SLC29A4: variants seen among roughly 807,000 people sequenced by gnomAD.
SLC29A4 encodes equilibrative nucleoside transporter 4.
A neutral mutation model predicts 43.9 loss-of-function variants in SLC29A4; 36 were observed. That is an observed-to-expected ratio of 0.82 (90% CI 0.63 to 1.08). The LOEUF (loss-of-function observed/expected upper bound fraction) is 1.08. Ranked by LOEUF, SLC29A4 falls within the 50% of genes least tolerant of loss-of-function variation. The pLI, the probability that SLC29A4 is intolerant of heterozygous loss-of-function variation, is 0.00. For synonymous variants in SLC29A4, 491 were observed against 338.0 expected (o/e 1.45, Z -4.97); for missense variants, 869 against 755.3 (o/e 1.15, Z -1.77).
chr7:5,297,833 C>G (rs1024509597), intron 7 of SLC29A4, among the ~76,000 whole-genome samples: 1 of 152,170 alleles, frequency 6.6e-6, no homozygotes, highest in African/African-American at 2.4e-5. Context: ...GCCCCTGGCT[C>G]TGCTGGGCTT....
At position 5,299,017 on chromosome 7, in the gene SLC29A4, C is replaced by G. The variant is rs370489000; in HGVS notation, c.912C>G (p.Asn304Lys). Residue 304 changes from asparagine (N) to lysine (K), a missense_variant, in exon 8 of 11, where the codon AAC becomes AAG. Coordinates refer to ENST00000396872, the MANE Select transcript of SLC29A4 (RefSeq NM_153247.4). ...FEHPAPALAP[N>K]ESPKDSPAHE... is the part of the protein sequence containing the mutation. ...ACCCAGCCCCGGCCCTGGCCCCCAA[C>G]GAGTCCCCAAAGGACAGCCCAGCCC... 48 of 1,611,164 alleles carry G rather than the reference C, an allele frequency of 3.0e-5. No individual in the cohort carries two copies. In the South Asian group the frequency reaches 3.5e-4, roughly 12 times the overall value.
rs1786282883 is a variant in SLC29A4, at chr7:5,303,035, C to T, written c.*96C>T. On this transcript the variant is annotated 3_prime_UTR_variant, in exon 11 of 11. Transcript: ENST00000396872. ...TGTCCCCACCTCAGTGCCTGCGGGG[C>T]CCTGAGCCTCCCCCTGTGCCAGCAG... is the stretch of plus-strand genomic sequence containing the variant. 1.2e-5 allele frequency: 16 copies of T among 1,384,978 alleles called. No homozygotes were observed. Among genetic ancestry groups the T allele is most frequent in the Non-Finnish European group, 1.4e-5 (14 of 1,025,212 alleles). 85.8% of individuals were successfully genotyped at this position (1,384,978 alleles called of 1,614,324 possible).
At chr7:5,288,625 A>G (rs935074755) in intron 2 of SLC29A4, among the ~76,000 whole-genome samples, 1 of 151,650 alleles carries the variant, frequency 6.6e-6, no homozygotes, top group Non-Finnish European at 1.5e-5. Context: ...GGAGTGACAC[A>G]TGTCACTTTG....
chr7:5,297,113 G>C lies in SLC29A4; in HGVS notation c.797G>C (p.Arg266Pro). The C allele has an allele frequency of 6.2e-7, 1 of 1,607,204 alleles. No homozygotes were observed. The highest frequency in any genetic ancestry group is 8.5e-7 in the Non-Finnish European group (1 of 1,179,666). The stretch of plus-strand genomic sequence containing the variant: ...GTGCTCTTCTATACCACACGGCCGC[G>C]TGACAGCCACCGGGGCAGGCCAGGC... ...RFVLFYTTRP[R>P]DSHRGRPGLG... is the part of the protein sequence containing the mutation. Residue 266 changes from arginine to proline, a missense_variant, in exon 7 of 11, where the codon CGT becomes CCT. By Grantham distance (103) the Arg-to-Pro change is moderately radical. Transcript: ENST00000396872.
At chr7:5,294,410 C>T (rs1039717553) in intron 5 of SLC29A4, among the ~76,000 whole-genome samples, 3 of 152,080 alleles carry the variant, frequency 2.0e-5, no homozygotes, top group African/African-American at 7.2e-5. Flanking sequence ...AACAAATAGC[C>T]CAGAAATCTC....
intron 6 of SLC29A4, 151 bp downstream of exon 6, chr7:5,295,085 T>G: frequency 1.4e-6 from 1 of 699,058 alleles, no homozygotes; most frequent in Non-Finnish European, 2.4e-6. Flanking sequence ...ATCACCATCT[T>G]TCCTGGCCTG....
chr7:5,299,365 C>T lies in SLC29A4; in HGVS notation c.1147C>T (p.Leu383=), dbSNP rs775720003. 18 of 1,612,294 alleles carry T rather than the reference C, an allele frequency of 1.1e-5. No individual in the cohort carries two copies. The Admixed American group carries it at 1.5e-4, about 13-fold the overall frequency. Residue 383 remains leucine, a synonymous_variant, in exon 9 of 11, where the codon CTG becomes TTG. Coordinates refer to ENST00000396872, the MANE Select transcript of SLC29A4 (RefSeq NM_153247.4). ...GLESEIRHCI[L]GEWLPILIMA... is the part of the protein sequence containing the mutation. ...CGAGTCTGAGATCCGCCACTGCATC[C>T]TGGGCGAGTGGCTGCCCATCCTCAT...
intron 2 of SLC29A4, among the ~76,000 whole-genome samples, chr7:5,289,366 C>T (rs1416141274): frequency 1.3e-5 from 2 of 152,046 alleles, no homozygotes; most frequent in Non-Finnish European, 2.9e-5. Flanking sequence ...CACTGCACTC[C>T]AGCCTGAGCA....
In SLC29A4 at chr7:5,299,499, C is replaced by T. The variant is rs1785981179; in HGVS notation, c.1209+72C>T. 2.7e-6 allele frequency: 4 copies of T among 1,492,296 alleles called. 1 individual carries two copies. The South Asian group carries it at 5.1e-5, about 19-fold the overall frequency. The allele number at this position is 1,492,296 out of a possible 1,614,324, so 92.4% of individuals were successfully genotyped here. A position where few individuals can be genotyped will look rare whatever the true frequency, so the allele number is the denominator to read the frequency against. On this transcript the variant is annotated intron_variant, in intron 9 of 10. Transcript: ENST00000396872. ...GGTGACAAGGGAGGCCCTGGCCTAT[C>T]CGGGAAGGGTTCTGAGTGAAGGATG...
Position 5,299,414 on chromosome 7 carries a change from A to T in SLC29A4, c.1196A>T (p.Asp399Val). The change falls in exon 9 of 11, where the codon GAC becomes GTC. Residue 399 changes from aspartate to valine, a missense_variant. Coordinates refer to ENST00000396872, the MANE Select transcript of SLC29A4 (RefSeq NM_153247.4). ...ILIMAVFNLS[D>V]FVGKILAALP... ...ATCATGGCTGTGTTCAACCTGTCAG[A>T]CTTCGTGGGCAAGGTGGGCTGCCTG... 6.2e-7 allele frequency: 1 copy of T among 1,610,958 alleles called. No homozygotes were observed. The highest frequency in any genetic ancestry group is 8.5e-7 in the Non-Finnish European group (1 of 1,178,980).
chr7:5,303,047 C>T lies in SLC29A4; in HGVS notation c.*108C>T, dbSNP rs1156498802. 5.3e-6 allele frequency: 7 copies of T among 1,324,852 alleles called. No homozygotes were observed. In the African/African-American group the frequency reaches 1.0e-4, roughly 20 times the overall value. The allele number at this position is 1,324,852 out of a possible 1,614,324, so 82.1% of individuals were successfully genotyped here. On this transcript the variant is annotated 3_prime_UTR_variant, in exon 11 of 11. Coordinates refer to ENST00000396872, the MANE Select transcript of SLC29A4 (RefSeq NM_153247.4). ...AGTGCCTGCGGGGCCCTGAGCCTCC[C>T]CCTGTGCCAGCAGCCCCACTCCCTC...
At position 5,303,171 on chromosome 7, in the gene SLC29A4, C is replaced by T. The variant is rs1786292397; in HGVS notation, c.*232C>T. On this transcript the variant is annotated 3_prime_UTR_variant, in exon 11 of 11. Transcript: ENST00000396872. Reference sequence around the variant, plus strand: ...CCGGGGCTCTGGCCAGCACTGTGTTCTGCGTTTGGTCTCATACCTGCGTCT... The same window carrying T: ...CCGGGGCTCTGGCCAGCACTGTGTTTTGCGTTTGGTCTCATACCTGCGTCT... The T allele has an allele frequency of 1.5e-5, 9 of 598,068 alleles. No homozygotes were observed. Among genetic ancestry groups the T allele is most frequent in the South Asian group, 2.1e-5 (1 of 48,272 alleles). The allele number at this position is 598,068 out of a possible 1,614,324, so 37.0% of individuals were successfully genotyped here. A position where few individuals can be genotyped will look rare whatever the true frequency, so the allele number is the denominator to read the frequency against.
chr7:5,291,941 GGT>G, intron 5 of SLC29A4, 120 bp downstream of exon 5: 2 of 1,406,448 alleles, frequency 1.4e-6, no homozygotes, highest in South Asian at 1.4e-5. Flanking sequence ...CTGGGTGCCA[GGT>G]GTGTGTCCAC....
intron 7 of SLC29A4, among the ~76,000 whole-genome samples, chr7:5,298,341 A>T (rs1785862144): frequency 6.6e-6 from 1 of 152,104 alleles, no homozygotes; most frequent in Admixed American, 6.5e-5. Flanking sequence ...GGGCAGAGGG[A>T]AAAGCGTGTG....
At chr7:5,301,176 A>T (rs976737588) in intron 10 of SLC29A4, among the ~76,000 whole-genome samples, 3 of 151,536 alleles carry the variant, frequency 2.0e-5, no homozygotes, top group African/African-American at 7.3e-5. Flanking sequence ...AGATGGGAGG[A>T]TCACTTGAGC....
In SLC29A4 at chr7:5,290,739, C is replaced by T. The variant is rs201599577; in HGVS notation, c.177C>T (p.Asp59=). 19 of 1,609,334 alleles carry T rather than the reference C, an allele frequency of 1.2e-5. No individual in the cohort carries two copies. The highest frequency in any genetic ancestry group is 8.9e-5 in the East Asian group (4 of 44,742). The change falls in exon 3 of 11, where the codon GAC becomes GAT. Residue 59 remains aspartate, a synonymous_variant. Coordinates refer to ENST00000396872, the MANE Select transcript of SLC29A4 (RefSeq NM_153247.4). ...GVPAFTDTTL[D]EPVPDDRYHA... is the part of the protein sequence containing the mutation. ...TGGTGTCTCTGGCTTTAGCATTGGA[C>T]GAGCCAGTGCCCGATGACCGTTATC...
In SLC29A4 at chr7:5,299,261, T is replaced by G. The variant is rs755385919; in HGVS notation, c.1043T>G (p.Val348Gly). The G allele has an allele frequency of 6.2e-7, 1 of 1,612,236 alleles. No homozygotes were observed. The highest frequency in any genetic ancestry group is 1.1e-5 in the South Asian group (1 of 91,024). Residue 348 changes from valine (V) to glycine (G), a missense_variant, in exon 9 of 11, where the codon GTG (valine) becomes GGG (glycine). Val to Gly is a moderately radical substitution (Grantham distance 109). Transcript: ENST00000396872. ...TFRALLLHRY[V>G]VARVIWADML... ...CCAGCCCTGTTACTGCACCGCTACG[T>G]GGTGGCGCGGGTGATCTGGGCCGAC...
rs763438674 is a variant in SLC29A4, at chr7:5,299,427, G to C, written c.1209G>C (p.Lys403Asn). ...AVFNLSDFVG[K>N]ILAALPVDWR... Reference sequence around the variant, plus strand: ...TCAACCTGTCAGACTTCGTGGGCAAGGTGGGCTGCCTGCCCTGCCCGGTGT... The same window carrying C: ...TCAACCTGTCAGACTTCGTGGGCAACGTGGGCTGCCTGCCCTGCCCGGTGT... Residue 403 changes from lysine (K) to asparagine (N), a missense_variant and splice_region_variant, in exon 9 of 11, where the codon AAG becomes AAC. Physicochemically the swap from Lys to Asn is moderately conservative, Grantham distance 94. Coordinates refer to ENST00000396872, the MANE Select transcript of SLC29A4 (RefSeq NM_153247.4). 18 of 1,610,022 alleles carry C rather than the reference G, an allele frequency of 1.1e-5. No individual in the cohort carries two copies. The highest frequency in any genetic ancestry group is 1.5e-5 in the Non-Finnish European group (18 of 1,178,376).
intron 1 of SLC29A4, among the ~76,000 whole-genome samples, chr7:5,285,253 G>A (rs1356306465): frequency 1.3e-5 from 2 of 152,010 alleles, no homozygotes; most frequent in African/African-American, 2.4e-5. Context: ...AGCCCTGCTC[G>A]GCCGCCACCC....
Sources: allele counts gnomAD v4.1 joint callset (sites outside exome capture counted in the v4.1 genomes callset), GRCh38; gene constraint gnomAD v4.1.1; transcripts MANE v1.5; gene names NCBI Gene and HGNC (gene_info 2026-07-23, HGNC 2026-07-21).